FKBP1B: variants seen among roughly 807,000 people sequenced by gnomAD.
The protein encoded by FKBP1B is FKBP prolyl isomerase 1B.
FKBP1B carries 4 observed loss-of-function variants against 13.5 expected under a neutral mutation model. That is an observed-to-expected ratio of 0.30 (90% CI 0.15 to 0.68). FKBP1B has a LOEUF of 0.68. FKBP1B is among the 30% of genes least tolerant of loss of function. FKBP1B has a pLI of 0.76. For synonymous variants in FKBP1B, 54 were observed against 53.6 expected, an observed-to-expected ratio of 1.01 and a Z score of -0.03; for missense variants, 93 against 136.2, an observed-to-expected ratio of 0.68 and a Z score of 1.58.
intron 1 of FKBP1B, among the ~76,000 whole-genome samples, chr2:24,051,798 C>T (rs1049989234): frequency 2.0e-5 from 3 of 152,182 alleles, no homozygotes; most frequent in African/African-American, 4.8e-5. Flanking sequence ...CTCCCTCCTC[C>T]AGGATCCCAT....
intron 2 of FKBP1B, among the ~76,000 whole-genome samples, chr2:24,057,597 T>C (rs554050617): frequency 6.6e-6 from 1 of 152,092 alleles, no homozygotes; most frequent in Non-Finnish European, 1.5e-5. Flanking sequence ...GGTCTCGAAC[T>C]CCCTACCTCA....
chr2:24,046,921 T>C (rs1241936946), upstream of FKBP1B, among the ~76,000 whole-genome samples: 1 of 152,118 alleles, frequency 6.6e-6, no homozygotes, highest in Non-Finnish European at 1.5e-5. Context: ...AAATTAGTTT[T>C]AGAGGCCACT....
the FKBP1B span, among the ~76,000 whole-genome samples, chr2:24,036,192 C>T: frequency 6.6e-6 from 1 of 151,006 alleles, no homozygotes; most frequent in East Asian, 1.9e-4. Context: ...GTTAATGTGG[C>T]AAAAATCCTC....
At chr2:24,041,809 G>C in the FKBP1B span, among the ~76,000 whole-genome samples, 1 of 138,656 alleles carries the variant, frequency 7.2e-6, no homozygotes, top group Non-Finnish European at 1.5e-5. Context: ...AGTGAGCTCA[G>C]ATGGCGCCAC....
chr2:24,061,595 TAAAGAA>T (rs922918360), intron 3 of FKBP1B, among the ~76,000 whole-genome samples: 8 of 152,222 alleles, frequency 5.3e-5, no homozygotes, highest in African/African-American at 1.9e-4. Context: ...ACAAAAATAT[TAAAGAA>T]ATAGTACAGA....
chr2:24,058,489 GT>G (rs1396461250), intron 2 of FKBP1B, among the ~76,000 whole-genome samples: 2 of 152,152 alleles, frequency 1.3e-5, no homozygotes, highest in Admixed American at 1.3e-4. Flanking sequence ...AGACTGCATG[GT>G]TTTGGCTTAA....
the FKBP1B span, chr2:24,037,645 G>A: frequency 6.4e-7 from 1 of 1,572,928 alleles, no homozygotes; most frequent in African/African-American, 1.4e-5. Flanking sequence ...GAGCTTTTAT[G>A]TATAGTGGTA....
At chr2:24,055,416 C>T (rs546984311) in intron 2 of FKBP1B, among the ~76,000 whole-genome samples, 2 of 152,088 alleles carry the variant, frequency 1.3e-5, no homozygotes, top group East Asian at 3.9e-4. Context: ...CACTATGTTG[C>T]CCGGGCTGGT....
At chr2:24,036,554 C>T in the FKBP1B span, among the ~76,000 whole-genome samples, 2 of 152,204 alleles carry the variant, frequency 1.3e-5, no homozygotes, top group African/African-American at 4.8e-5. Flanking sequence ...AACACATATA[C>T]TCTTCAAATT....
chr2:24,044,781 G>A (rs1194365135), upstream of FKBP1B, among the ~76,000 whole-genome samples: 1 of 142,804 alleles, frequency 7.0e-6, no homozygotes, highest in Non-Finnish European at 1.5e-5. Flanking sequence ...TTCCAAATGA[G>A]CCTGCATACT....
chr2:24,034,240 G>A, the FKBP1B span, among the ~76,000 whole-genome samples: 1 of 152,142 alleles, frequency 6.6e-6, no homozygotes, highest in Non-Finnish European at 1.5e-5. Flanking sequence ...GGCCAACATG[G>A]TGAAACCCCA....
rs1491355960 is a variant in FKBP1B at position 24,057,372 on chromosome 2, GGT to G, written c.85+3424_85+3425del. 6.8e-4 allele frequency among the ~76,000 whole-genome samples: 78 copies of G among 114,448 alleles called. 1 individual carries two copies. The highest frequency in any genetic ancestry group is 1.3e-3 in the Non-Finnish European group (69 of 51,718). The allele number at this position is 114,448 out of a possible 152,430, so 75.1% of individuals were successfully genotyped here. A position where few individuals can be genotyped will look rare whatever the true frequency, so the allele number is the denominator to read the frequency against. On this transcript the variant is annotated intron_variant, in intron 2 of 3. Coordinates refer to ENST00000380986, the MANE Select transcript of FKBP1B (RefSeq NM_004116.5). ...TACCATGCCTGGCTAATTTTTTTTT[GGT>G]TTTTTTTTGTGTGTGTGTGATGGAG... is the stretch of plus-strand genomic sequence containing the variant.
chr2:24,044,266 GT>G, the FKBP1B span, among the ~76,000 whole-genome samples: 19 of 139,116 alleles, frequency 1.4e-4, no homozygotes, highest in Admixed American at 1.4e-3. Context: ...GTTTACTGAG[GT>G]TTTTTTTTGG....
At chr2:24,035,918 A>C in the FKBP1B span, among the ~76,000 whole-genome samples, 1 of 150,768 alleles carries the variant, frequency 6.6e-6, no homozygotes, top group Admixed American at 6.6e-5. Flanking sequence ...AGAATACAAA[A>C]ATTAGCCAGG....
At position 24,049,969 on chromosome 2, in the gene FKBP1B, G is replaced by A. The variant is rs1415555936; in HGVS notation, c.37+83G>A. 4 of 1,193,838 alleles carry A rather than the reference G, an allele frequency of 3.4e-6. No individual in the cohort carries two copies. The East Asian group carries it at 9.4e-5, about 28-fold the overall frequency. 74.0% of individuals were successfully genotyped at this position (1,193,838 alleles called of 1,614,324 possible). ...GGCGGGGGTCTGATTCGGAGGTGGC[G>A]TGGAGGGTGCTGAAGGGTCGGGGGG... On this transcript the variant is annotated intron_variant, in intron 1 of 3. Transcript: ENST00000380986.
At chr2:24,059,303 A>C (rs1424153320) in intron 2 of FKBP1B, among the ~76,000 whole-genome samples, 1 of 150,998 alleles carries the variant, frequency 6.6e-6, no homozygotes, top group Non-Finnish European at 1.5e-5. Context: ...CTGAGATGAC[A>C]TGTGGACATC....
At chr2:24,038,586 T>TA in the FKBP1B span, 1 of 1,614,076 alleles carries the variant, frequency 6.2e-7, no homozygotes, top group Middle Eastern at 1.6e-4. Flanking sequence ...CCTTTTTTCT[T>TA]AGACAAATAA....
chr2:24,053,751 C>G (rs1049675399), intron 1 of FKBP1B, 151 bp from the exon 2 acceptor site: 6 of 739,086 alleles, frequency 8.1e-6, no homozygotes, highest in Non-Finnish European at 9.7e-6. Flanking sequence ...CATTCTGGCT[C>G]GTACAGGGCC....
At chr2:24,049,644 C>A (rs113594441), upstream of FKBP1B, 338 of 379,222 alleles carry the variant, frequency 8.9e-4, 2 homozygotes, top group African/African-American at 6.3e-3. Flanking sequence ...CCCGCCCCGG[C>A]CGACCCCACC....
Sources: gnomAD v4.1 joint callset for allele counts (sites outside exome capture counted in the v4.1 genomes callset) on GRCh38, gnomAD v4.1.1 for gene constraint, MANE v1.5 for transcripts, NCBI Gene and HGNC (gene_info 2026-07-23, HGNC 2026-07-21) for gene names.